The following ANK2 variants were observed in gnomAD, a reference collection of about 807,000 sequenced individuals.
ANK2 encodes ankyrin 2, also known as ankyrin-2.
In ANK2, 83 loss-of-function variants were observed where a neutral mutation model predicts 360.5. The ratio of observed to expected loss-of-function variants is 0.23; its 90% CI spans 0.19 to 0.28. ANK2 has a LOEUF of 0.28. Ranked by LOEUF, ANK2 falls within the 10% of genes least tolerant of loss-of-function variation. ANK2 has a pLI of 1.00. For missense variants in ANK2, 4,201 were observed against 4,795.7 expected (o/e 0.88, Z 3.66); for synonymous variants, 1,740 against 1,759.5 (o/e 0.99, Z 0.28).
At position 113,293,119 on chromosome 4, in the gene ANK2, A is replaced by T. The variant is rs1587427899; in HGVS notation, c.2377-321A>T. The T allele has an allele frequency of 7.2e-6, 3 of 418,970 alleles. No homozygotes were observed. In the East Asian group the frequency reaches 1.8e-4, roughly 25 times the overall value. 26.0% of individuals were successfully genotyped at this position (418,970 alleles called of 1,614,324 possible). On this transcript the variant is annotated intron_variant, in intron 21 of 45. Transcript: ENST00000357077. Reference sequence around the variant, plus strand: ...CCTGGTACTTGCTAACAGGTTTTGGAGACGTCATGAGGCACTTTCTTAAGT... The same window carrying T: ...CCTGGTACTTGCTAACAGGTTTTGGTGACGTCATGAGGCACTTTCTTAAGT...
intron 1 of ANK2, among the ~76,000 whole-genome samples, chr4:113,063,860 T>A (rs2074541208): frequency 6.6e-6 from 1 of 152,174 alleles, no homozygotes; most frequent in South Asian, 2.1e-4. Flanking sequence ...CATTTGAAGT[T>A]ATTTAGATTG....
chr4:113,144,002 C>A (rs2096738922), intron 1 of ANK2, among the ~76,000 whole-genome samples: 2 of 152,154 alleles, frequency 1.3e-5, no homozygotes, highest in South Asian at 4.1e-4. Context: ...TTTCTGAATG[C>A]TTTCACTTAA....
At chr4:113,348,335 A>T (rs1263347273) in intron 36 of ANK2, 27 bp downstream of exon 36, 1 of 1,610,352 alleles carries the variant, frequency 6.2e-7, no homozygotes, top group Non-Finnish European at 8.5e-7. Context: ...GTCACTTGTT[A>T]TCGGCTGTGT....
chr4:113,340,125 A>G (rs1454089618), intron 32 of ANK2, among the ~76,000 whole-genome samples: 1 of 152,168 alleles, frequency 6.6e-6, no homozygotes, highest in Non-Finnish European at 1.5e-5. Flanking sequence ...CTGTGTTTCA[A>G]TGTGTTTTGC....
chr4:113,089,402 A>C (rs974004203), intron 1 of ANK2, among the ~76,000 whole-genome samples: 1 of 152,246 alleles, frequency 6.6e-6, no homozygotes, highest in Non-Finnish European at 1.5e-5. Flanking sequence ...TGAAGAAGAT[A>C]TTTGAAAGGA....
chr4:112,802,719 G>A, the ANK2 span, among the ~76,000 whole-genome samples: 2 of 152,048 alleles, frequency 1.3e-5, no homozygotes, highest in South Asian at 4.1e-4. Context: ...GAAGTGACAG[G>A]CAATGTAGAC....
Position 113,358,913 on chromosome 4 carries a change from C to A in ANK2, c.10295C>A (p.Ala3432Asp), listed in dbSNP as rs147245875. 4.3e-6 allele frequency: 7 copies of A among 1,613,768 alleles called. No individual in the cohort carries two copies. The highest frequency in any genetic ancestry group is 5.9e-6 in the Non-Finnish European group (7 of 1,179,860). Residue 3432 changes from alanine (A) to aspartate (D), a missense_variant, in exon 38 of 46, where the codon GCC becomes GAC. Ala to Asp is a moderately radical substitution (Grantham distance 126). Coordinates refer to ENST00000357077, the MANE Select transcript of ANK2 (RefSeq NM_001148.6). ...EELELESEEG[A>D]TRPKILTSRL... ...CTTGAGTTAGAATCAGAAGAAGGGG[C>A]CACAAGACCAAAGATACTTACATCC...
intron 1 of ANK2, among the ~76,000 whole-genome samples, chr4:112,891,687 T>A (rs1374087621): frequency 6.6e-6 from 1 of 152,154 alleles, no homozygotes; most frequent in Non-Finnish European, 1.5e-5. Context: ...AAAAATAATA[T>A]TATTAATACC....
At chr4:113,196,334 C>A (rs1048052648) in intron 2 of ANK2, 34 bp from the exon 3 acceptor site, 6 of 1,554,816 alleles carry the variant, frequency 3.9e-6, no homozygotes, top group Non-Finnish European at 4.4e-6. Context: ...CTCATTACTT[C>A]ACTTCTTAAA....
the ANK2 span, among the ~76,000 whole-genome samples, chr4:112,718,280 A>G: frequency 6.6e-6 from 1 of 152,186 alleles, no homozygotes; most frequent in South Asian, 2.1e-4. Flanking sequence ...TTAGTTAAGT[A>G]TTTAGTAAGT....
At chr4:113,317,866 G>C in intron 25 of ANK2, 57 bp downstream of exon 25, 1 of 1,408,444 alleles carries the variant, frequency 7.1e-7, no homozygotes, top group East Asian at 2.3e-5. Context: ...TAACATTATT[G>C]GATGCTAGAA....
rs748901491 is a variant in ANK2 at position 113,255,806 on chromosome 4, C to T, written c.1062C>T (p.His354=). 14 of 1,614,108 alleles carry T rather than the reference C, an allele frequency of 8.7e-6. No individual in the cohort carries two copies. The highest frequency in any genetic ancestry group is 1.2e-5 in the Non-Finnish European group (14 of 1,180,038). Residue 354 remains histidine (H), a synonymous_variant, in exon 11 of 46, where the codon CAC becomes CAT. Coordinates refer to ENST00000357077, the MANE Select transcript of ANK2 (RefSeq NM_001148.6). ...AATGTGTGAAGCACCTGTTACAGCA[C>T]AAGGCACCTGTTGATGATGTCACCC... is the stretch of plus-strand genomic sequence containing the variant. ...HVECVKHLLQ[H]KAPVDDVTLD... is the part of the protein sequence containing the mutation.
chr4:113,015,252 A>T (rs1281094858), intron 2 of ANK2, among the ~76,000 whole-genome samples: 1 of 152,152 alleles, frequency 6.6e-6, no homozygotes, highest in Non-Finnish European at 1.5e-5. Context: ...TAAGTCCCTA[A>T]TCTTTCATAA....
chr4:112,843,164 C>T (rs1001175703), intron 1 of ANK2, among the ~76,000 whole-genome samples: 22 of 152,170 alleles, frequency 1.4e-4, no homozygotes, highest in African/African-American at 4.6e-4. Context: ...GTCCCGTTTG[C>T]CGTATAAAAT....
intron 4 of ANK2, among the ~76,000 whole-genome samples, chr4:113,204,275 G>T (rs1040908127): frequency 6.6e-6 from 1 of 151,780 alleles, no homozygotes; most frequent in African/African-American, 2.4e-5. Flanking sequence ...TGATAAAAAA[G>T]GTAAACTGGA....
chr4:112,759,524 A>T, the ANK2 span, among the ~76,000 whole-genome samples: 1 of 152,154 alleles, frequency 6.6e-6, no homozygotes, highest in African/African-American at 2.4e-5. Flanking sequence ...AAGAATAAAG[A>T]CAGAAGTTGC....
intron 7 of ANK2, among the ~76,000 whole-genome samples, chr4:113,238,974 T>A (rs1481836816): frequency 6.6e-6 from 1 of 152,200 alleles, no homozygotes; most frequent in East Asian, 1.9e-4. Flanking sequence ...TATGTTTTTC[T>A]GAAACTAAAT....
At chr4:113,068,001 G>A (rs2076219435) in intron 1 of ANK2, among the ~76,000 whole-genome samples, 1 of 152,184 alleles carries the variant, frequency 6.6e-6, no homozygotes, top group African/African-American at 2.4e-5. Context: ...TCCTAAGGAT[G>A]CTCTTAAAAG....
At chr4:112,851,869 G>C (rs1413409447) in intron 1 of ANK2, among the ~76,000 whole-genome samples, 1 of 152,150 alleles carries the variant, frequency 6.6e-6, no homozygotes. Flanking sequence ...TGATCCACCT[G>C]CCTTGGCCTC....
Sources: allele counts gnomAD v4.1 joint callset (sites outside exome capture counted in the v4.1 genomes callset), GRCh38; gene constraint gnomAD v4.1.1; transcripts MANE v1.5; gene names NCBI Gene and HGNC (gene_info 2026-07-23, HGNC 2026-07-21).